Variants in MALRD1 observed in about 807,000 individuals in gnomAD.
MALRD1 encodes the protein MAM and LDL-receptor class A domain-containing protein 1.
A neutral mutation model predicts 242.1 loss-of-function variants in MALRD1; 247 were observed. That is an observed-to-expected ratio of 1.02 (90% CI 0.92 to 1.13). The LOEUF (loss-of-function observed/expected upper bound fraction) is 1.13. MALRD1 is among the 50% of genes most tolerant of loss of function. MALRD1 has a pLI of 0.00. For synonymous variants in MALRD1, 995 were observed against 866.6 expected, an observed-to-expected ratio of 1.15 and a Z score of -2.60; for missense variants, 2,989 against 2,533.1, an observed-to-expected ratio of 1.18 and a Z score of -3.86.
intron 21 of MALRD1, among the ~76,000 whole-genome samples, chr10:19,288,073 TA>T (rs112718876): frequency 0.025 from 3,813 of 151,114 alleles, 172 homozygotes; most frequent in African/African-American, 0.088. Flanking sequence ...GTCTTTTTTT[TA>T]TTAGTTTTAA....
rs1279293814 is a variant in MALRD1 at position 19,595,456 on chromosome 10, C to G, written c.5943C>G (p.Cys1981Trp). The change falls in exon 34 of 40, where the codon TGC (cysteine) becomes TGG (tryptophan). Residue 1981 changes from cysteine to tryptophan, a missense_variant and splice_region_variant. Transcript: ENST00000454679. Reference protein sequence around the residue: ...DCHFNEDELICSNKSCSNGAL... With the variant: ...DCHFNEDELIWSNKSCSNGAL... Reference sequence around the variant, plus strand: ...ACTTTAATGAAGATGAGCTCATCTGCTGTGAGTTATTTTCACTAACTCAAT... The same window carrying G: ...ACTTTAATGAAGATGAGCTCATCTGGTGTGAGTTATTTTCACTAACTCAAT... 1.3e-6 allele frequency: 2 copies of G among 1,547,268 alleles called. No individual in the cohort carries two copies. Among genetic ancestry groups the G allele is most frequent in the Non-Finnish European group, 1.7e-6 (2 of 1,144,576 alleles).
intron 21 of MALRD1, among the ~76,000 whole-genome samples, chr10:19,311,958 C>T (rs1842444604): frequency 6.6e-6 from 1 of 151,436 alleles, no homozygotes; most frequent in African/African-American, 2.4e-5. Context: ...ATACTTCCAG[C>T]ATTATCTGCA....
chr10:19,157,318 G>C (rs972522188), intron 12 of MALRD1, among the ~76,000 whole-genome samples: 1 of 149,702 alleles, frequency 6.7e-6, no homozygotes, highest in Non-Finnish European at 1.5e-5. Flanking sequence ...TGTCGCCCAG[G>C]CTGGAGTGCA....
chr10:19,543,436 T>TC (rs1342175470), intron 32 of MALRD1, among the ~76,000 whole-genome samples: 8 of 124,048 alleles, frequency 6.4e-5, no homozygotes, highest in East Asian at 2.2e-4. Context: ...CTGATTTCTT[T>TC]TTTTTTTTTT....
At chr10:19,640,066 G>A (rs1010245632) in intron 36 of MALRD1, among the ~76,000 whole-genome samples, 3 of 152,022 alleles carry the variant, frequency 2.0e-5, no homozygotes, top group African/African-American at 4.8e-5. Flanking sequence ...ATGGGGGAAG[G>A]GATGCTTCAT....
chr10:19,073,942 G>A (rs1365557309), intron 2 of MALRD1, among the ~76,000 whole-genome samples: 1 of 152,122 alleles, frequency 6.6e-6, no homozygotes, highest in Admixed American at 6.6e-5. Flanking sequence ...GTTGAAAGAT[G>A]AGCAGTATTT....
At chr10:19,279,518 C>G (rs1290212157) in intron 19 of MALRD1, among the ~76,000 whole-genome samples, 1 of 152,182 alleles carries the variant, frequency 6.6e-6, no homozygotes, top group Non-Finnish European at 1.5e-5. Context: ...TGTCTTCCAT[C>G]CTCAGTAATT....
intron 18 of MALRD1, among the ~76,000 whole-genome samples, chr10:19,230,129 A>T (rs1038833924): frequency 6.6e-6 from 1 of 152,190 alleles, no homozygotes; most frequent in South Asian, 2.1e-4. Flanking sequence ...GCCTTCTGCT[A>T]TAATTGTGAG....
rs1057128203 is a variant in MALRD1, at chr10:19,389,454, C to A, written c.4690C>A (p.His1564Asn). The change falls in exon 28 of 40, where the codon CAC (histidine) becomes AAC (asparagine). Residue 1564 changes from histidine to asparagine, a missense_variant and splice_region_variant. Transcript: ENST00000454679. ...CTGAATTCTGTCCTTGTTCCTAGGG[C>A]ACTTCATGTATCTGGAAGCTACTGC... ...KDHTLGNENG[H>N]FMYLEATAVG... The A allele has an allele frequency of 2.6e-6, 4 of 1,549,838 alleles. No individual in the cohort carries two copies. The highest frequency in any genetic ancestry group is 3.5e-6 in the Non-Finnish European group (4 of 1,146,688).
intron 26 of MALRD1, among the ~76,000 whole-genome samples, chr10:19,360,838 T>C (rs954922896): frequency 6.6e-6 from 1 of 152,130 alleles, no homozygotes; most frequent in African/African-American, 2.4e-5. Context: ...AAGTTGCATA[T>C]TATTGTACTG....
At chr10:19,466,221 T>C (rs1045781492) in intron 29 of MALRD1, among the ~76,000 whole-genome samples, 2 of 152,158 alleles carry the variant, frequency 1.3e-5, no homozygotes, top group African/African-American at 4.8e-5. Flanking sequence ...TCATTAACTA[T>C]ATTAACCTTT....
chr10:19,352,254 C>G lies in MALRD1; in HGVS notation c.4398C>G (p.Leu1466=), dbSNP rs1457855626. ...DIVLTENCLS[L]HDSVQEELAV... is the part of the protein sequence containing the mutation. ...TGCTTACAGAAAATTGTCTATCACT[C>G]CATGATTCCGTGCAAGAAGAACTGG... The change falls in exon 26 of 40, where the codon CTC becomes CTG. Residue 1466 remains leucine (L), a synonymous_variant. Coordinates refer to ENST00000454679, the MANE Select transcript of MALRD1 (RefSeq NM_001142308.3). 9.0e-6 allele frequency: 14 copies of G among 1,550,306 alleles called. 1 individual carries two copies. The South Asian group carries it at 1.4e-4, about 16-fold the overall frequency.
At chr10:19,465,319 C>A (rs1423924884) in intron 29 of MALRD1, among the ~76,000 whole-genome samples, 6 of 152,078 alleles carry the variant, frequency 3.9e-5, no homozygotes, top group African/African-American at 1.4e-4. Context: ...CAACTTTTCC[C>A]CTTTCAGTAT....
chr10:19,520,215 A>AT (rs1448737810), intron 31 of MALRD1, among the ~76,000 whole-genome samples: 1 of 152,102 alleles, frequency 6.6e-6, no homozygotes, highest in Admixed American at 6.5e-5. Flanking sequence ...AAAAGCCTGT[A>AT]TTTGTAACCA....
rs568415516 is a variant in MALRD1 at position 19,458,586 on chromosome 10, TTGAA to T, written c.5029+8100_5029+8103del. Among the ~76,000 whole-genome samples the T allele has an allele frequency of 5.3e-5, 8 of 152,292 alleles. No homozygotes were observed. The South Asian group carries it at 1.7e-3, about 32-fold the overall frequency. ...CGCATGTGGTAGAGATATTTACTCT[TTGAA>T]TGACATCAGTTTCTTTCCCGCATGT... On this transcript the variant is annotated intron_variant, in intron 29 of 39. Coordinates refer to ENST00000454679, the MANE Select transcript of MALRD1 (RefSeq NM_001142308.3).
intron 28 of MALRD1, among the ~76,000 whole-genome samples, chr10:19,447,044 A>ACACT (rs1491394619): frequency 2.1e-4 from 3 of 14,620 alleles, no homozygotes; most frequent in African/African-American, 6.1e-4. Context: ...TGTTAGGAAC[A>ACACT]CACACACACA....
intron 14 of MALRD1, among the ~76,000 whole-genome samples, chr10:19,192,599 C>T (rs947817563): frequency 3.9e-5 from 6 of 152,130 alleles, no homozygotes; most frequent in Admixed American, 3.9e-4. Context: ...CCCACAGCCT[C>T]CAGATAGAGC....
intron 18 of MALRD1, among the ~76,000 whole-genome samples, chr10:19,230,679 A>C (rs1181995668): frequency 6.6e-6 from 1 of 152,152 alleles, no homozygotes; most frequent in Non-Finnish European, 1.5e-5. Context: ...TAGGATCTTT[A>C]GCTGTTCCAG....
chr10:19,324,724 T>C (rs1843046135), intron 22 of MALRD1, among the ~76,000 whole-genome samples: 1 of 151,936 alleles, frequency 6.6e-6, no homozygotes, highest in South Asian at 2.1e-4. Context: ...GAATAATTCC[T>C]TATCTTCCCT....
Sources: gnomAD v4.1 joint callset for allele counts (sites outside exome capture counted in the v4.1 genomes callset) on GRCh38, gnomAD v4.1.1 for gene constraint, MANE v1.5 for transcripts, NCBI Gene and HGNC (gene_info 2026-07-23, HGNC 2026-07-21) for gene names.